The following PCGF3 variants were observed in gnomAD, a reference collection of about 807,000 sequenced individuals.
PCGF3 encodes the protein polycomb group ring finger 3.
PCGF3 carries 7 observed loss-of-function variants against 33.1 expected under a neutral mutation model. The ratio of observed to expected loss-of-function variants is 0.21; its 90% CI spans 0.12 to 0.40. PCGF3 has a LOEUF of 0.40. PCGF3 is among the 10% of genes least tolerant of loss of function. The probability of loss-of-function intolerance (pLI) is 1.00; values close to 1 mark genes in which losing one functional copy is unlikely to be tolerated. For missense variants in PCGF3, 211 were observed against 313.3 expected, an observed-to-expected ratio of 0.67 and a Z score of 2.46; for synonymous variants, 153 against 121.3, an observed-to-expected ratio of 1.26 and a Z score of -1.72.
intron 1 of PCGF3, among the ~76,000 whole-genome samples, chr4:715,754 T>A (rs1252502654): frequency 2.8e-5 from 2 of 72,242 alleles, no homozygotes; most frequent in Admixed American, 1.2e-4. Flanking sequence ...TGGGACCCTG[T>A]GGACACTGTG....
At chr4:729,579 T>C (rs898730324) in intron 1 of PCGF3, among the ~76,000 whole-genome samples, 1 of 152,172 alleles carries the variant, frequency 6.6e-6, no homozygotes, top group Non-Finnish European at 1.5e-5. Context: ...GCTTTGAGCC[T>C]GGCTTCATTC....
rs1273071157 is a variant in PCGF3 at position 711,451 on chromosome 4, TTTC to T, written c.-190+5484_-190+5486del. Among the ~76,000 whole-genome samples, 488 of 90,576 alleles carry T rather than the reference TTTC, an allele frequency of 5.4e-3. 13 individuals are homozygous for T. Among genetic ancestry groups the T allele is most frequent in the African/African-American group, 0.013 (406 of 30,778 alleles). The allele number at this position is 90,576 out of a possible 152,430, so 59.4% of individuals were successfully genotyped here. A position where few individuals can be genotyped will look rare whatever the true frequency, so the allele number is the denominator to read the frequency against. On this transcript the variant is annotated intron_variant, in intron 1 of 10. Coordinates refer to ENST00000362003, the Ensembl canonical transcript of PCGF3. Reference sequence around the variant, plus strand: ...TTGAAAATGTAATTTTTCTTTTTTTTTTCTTTTTTTTTTTTTTGAGACGGAGTC... The same window carrying T: ...TTGAAAATGTAATTTTTCTTTTTTTTTTTTTTTTTTTTTTGAGACGGAGTC...
At chr4:754,732 G>A (rs1306840793) in intron 8 of PCGF3, among the ~76,000 whole-genome samples, 1 of 152,178 alleles carries the variant, frequency 6.6e-6, no homozygotes, top group East Asian at 1.9e-4. Context: ...TGTGCTGTGG[G>A]ATGCAGCCTG....
At chr4:751,305 C>CA (rs1359988263) in intron 8 of PCGF3, among the ~76,000 whole-genome samples, 1 of 152,176 alleles carries the variant, frequency 6.6e-6, no homozygotes, top group African/African-American at 2.4e-5. Context: ...TTATTTCACA[C>CA]TAATTTTATT....
chr4:744,538 G>GT, intron 7 of PCGF3, 62 bp from the exon 8 acceptor site: 1 of 1,316,816 alleles, frequency 7.6e-7, no homozygotes, highest in South Asian at 1.3e-5. Context: ...GTACAGTGTA[G>GT]TTTTTTAAAT....
chr4:743,213 G>A (rs544690908), intron 6 of PCGF3, among the ~76,000 whole-genome samples: 1 of 152,350 alleles, frequency 6.6e-6, no homozygotes, highest in East Asian at 1.9e-4. Context: ...GGTTTCCCAG[G>A]CCCCGTGCCT....
At chr4:732,148 C>T (rs1411964778) in intron 3 of PCGF3, among the ~76,000 whole-genome samples, 1 of 117,328 alleles carries the variant, frequency 8.5e-6, no homozygotes, top group African/African-American at 3.3e-5. Flanking sequence ...CGGGGCTCCC[C>T]TCCCCTCGTG....
chr4:728,961 G>A (rs1025403506), intron 1 of PCGF3, among the ~76,000 whole-genome samples: 7 of 151,932 alleles, frequency 4.6e-5, no homozygotes, highest in African/African-American at 7.3e-5. Flanking sequence ...TTAACTGGGC[G>A]TGGTGGCGGA....
chr4:752,678 T>C (rs1010287995), intron 8 of PCGF3, among the ~76,000 whole-genome samples: 1 of 152,182 alleles, frequency 6.6e-6, no homozygotes, highest in Admixed American at 6.5e-5. Context: ...ATACAGGGGC[T>C]CTACATGGAC....
chr4:766,944 A>T (rs1437687635), exon 11 of PCGF3: 1 of 152,078 alleles, frequency 6.6e-6, no homozygotes, highest in Non-Finnish European at 1.5e-5. Context: ...CCCTGTTTTG[A>T]TTTTGCTGAA....
chr4:733,685 T>C, exon 4 of PCGF3: 1 of 1,604,148 alleles, frequency 6.2e-7, no homozygotes, highest in Non-Finnish European at 8.5e-7. Flanking sequence ...CCAAAGATGT[T>C]GACCAGGAAG....
chr4:762,157 A>C (rs1745096661), intron 9 of PCGF3: 1 of 863,856 alleles, frequency 1.2e-6, no homozygotes, highest in African/African-American at 1.8e-5. Context: ...CAGAGCCTGC[A>C]AATGGGATCT....
exon 11 of PCGF3, chr4:768,596 C>G (rs146544863): frequency 6.6e-6 from 1 of 151,960 alleles, no homozygotes; most frequent in Non-Finnish European, 1.5e-5. Flanking sequence ...GCTAATTACC[C>G]GGAATACGGT....
At chr4:766,307 C>A in exon 11 of PCGF3, 2 of 480,606 alleles carry the variant, frequency 4.2e-6, no homozygotes, top group African/African-American at 2.0e-5. Context: ...TCCTCTCCCC[C>A]GCCCCACCCC....
chr4:748,288 C>G (rs1744358887), intron 8 of PCGF3, among the ~76,000 whole-genome samples: 1 of 152,000 alleles, frequency 6.6e-6, no homozygotes, highest in Admixed American at 6.5e-5. Flanking sequence ...CAGCCTCTGC[C>G]TCCTGGGTTC....
chr4:734,788 A>C (rs1577415178), intron 4 of PCGF3, 143 bp from the exon 5 acceptor site: 2 of 1,405,924 alleles, frequency 1.4e-6, no homozygotes. Flanking sequence ...GTTTCCTTTC[A>C]GAAGCTGAGA....
At chr4:761,600 G>A (rs552620133) in intron 9 of PCGF3, 184 bp downstream of exon 9, 1 of 943,596 alleles carries the variant, frequency 1.1e-6, no homozygotes, top group South Asian at 4.9e-5. Context: ...GTTGTAGGAT[G>A]CCCAGAGACA....
chr4:718,605 C>T (rs1451085566), intron 1 of PCGF3, among the ~76,000 whole-genome samples: 2 of 152,248 alleles, frequency 1.3e-5, no homozygotes, highest in African/African-American at 4.8e-5. Flanking sequence ...CTGTGTGTGG[C>T]CCCCACAGTG....
intron 9 of PCGF3, 125 bp from the exon 10 acceptor site, chr4:764,859 C>A: frequency 1.5e-6 from 1 of 653,748 alleles, no homozygotes. Context: ...CCCCCCCCAC[C>A]CCATCTCTAG....
Sources: gnomAD v4.1 joint callset for allele counts (sites outside exome capture counted in the v4.1 genomes callset) on GRCh38, gnomAD v4.1.1 for gene constraint, MANE v1.5 for transcripts, NCBI Gene and HGNC (gene_info 2026-07-23, HGNC 2026-07-21) for gene names.